MAPRE2: variants seen among roughly 807,000 people sequenced by gnomAD.
The protein encoded by MAPRE2 is microtubule-associated protein RP/EB family member 2.
MAPRE2 carries 13 observed loss-of-function variants against 43.2 expected under a neutral mutation model. The ratio of observed to expected loss-of-function variants is 0.30; its 90% CI spans 0.20 to 0.48. MAPRE2 has a LOEUF of 0.48. MAPRE2 is among the 20% of genes least tolerant of loss of function. The pLI, the probability that MAPRE2 is intolerant of heterozygous loss-of-function variation, is 0.99. For synonymous variants in MAPRE2, 135 were observed against 148.8 expected, an observed-to-expected ratio of 0.91 and a Z score of 0.68; for missense variants, 161 against 400.2, an observed-to-expected ratio of 0.40 and a Z score of 5.10.
intron 1 of MAPRE2, among the ~76,000 whole-genome samples, chr18:35,063,384 G>C (rs374447486): frequency 5.3e-5 from 8 of 152,024 alleles, no homozygotes; most frequent in African/African-American, 1.9e-4. Flanking sequence ...TGGGATTACA[G>C]GCGTGAGCCA....
intron 3 of MAPRE2, among the ~76,000 whole-genome samples, chr18:35,097,965 T>C (rs775826307): frequency 1.3e-5 from 2 of 152,186 alleles, no homozygotes; most frequent in African/African-American, 2.4e-5. Context: ...GAATCCCAGC[T>C]TCATGACTTG....
intron 2 of MAPRE2, among the ~76,000 whole-genome samples, chr18:35,071,191 T>C (rs539308971): frequency 9.2e-5 from 14 of 152,298 alleles, no homozygotes; most frequent in African/African-American, 3.4e-4. Context: ...AATATTTGAC[T>C]TCAATGACAA....
chr18:35,000,916 C>T (rs1016869990), intron 1 of MAPRE2, among the ~76,000 whole-genome samples: 5 of 152,106 alleles, frequency 3.3e-5, no homozygotes, highest in African/African-American at 1.2e-4. Flanking sequence ...GCCTTGTCAT[C>T]CATAAAATAG....
At chr18:35,044,193 T>C (rs1905504393) in intron 1 of MAPRE2, among the ~76,000 whole-genome samples, 2 of 152,180 alleles carry the variant, frequency 1.3e-5, no homozygotes, top group Admixed American at 6.5e-5. Flanking sequence ...TATTGACTTC[T>C]AGGTAGGCCC....
At chr18:35,108,145 C>T (rs1242506441) in intron 4 of MAPRE2, among the ~76,000 whole-genome samples, 2 of 152,110 alleles carry the variant, frequency 1.3e-5, no homozygotes, top group Non-Finnish European at 2.9e-5. Flanking sequence ...CAAACAGGCC[C>T]CAGTGTATGA....
Position 35,020,335 on chromosome 18 carries a change from A to G in MAPRE2, c.-8+14782A>G, listed in dbSNP as rs552038341. On this transcript the variant is annotated intron_variant, in intron 2 of 7. Coordinates refer to the MAPRE2 transcript ENST00000413393. ...TTGGATGCTGATGTGTTATTCTGTT[A>G]TGATTTTTCAAGGCAATGACTATGC... 2.0e-5 allele frequency among the ~76,000 whole-genome samples: 3 copies of G among 152,240 alleles called. No individual in the cohort carries two copies. In the South Asian group the frequency reaches 6.2e-4, roughly 32 times the overall value.
intron 2 of MAPRE2, among the ~76,000 whole-genome samples, chr18:35,079,726 T>C (rs1480433281): frequency 6.6e-6 from 1 of 152,238 alleles, no homozygotes; most frequent in Non-Finnish European, 1.5e-5. Context: ...GTCAAATCCC[T>C]GTTAGATTTC....
chr18:35,095,390 A>ATG (rs1908360142), intron 2 of MAPRE2, among the ~76,000 whole-genome samples: 2 of 145,648 alleles, frequency 1.4e-5, no homozygotes, highest in African/African-American at 5.5e-5. Flanking sequence ...ACACACACAC[A>ATG]CACACACACA....
chr18:35,064,033 A>G (rs867121277), intron 1 of MAPRE2, among the ~76,000 whole-genome samples: 1 of 139,352 alleles, frequency 7.2e-6, no homozygotes, highest in Admixed American at 7.1e-5. Context: ...AAAAAAAAAA[A>G]TCTGGCCAAC....
intron 2 of MAPRE2, among the ~76,000 whole-genome samples, chr18:35,081,754 G>C (rs888549663): frequency 5.9e-5 from 9 of 152,128 alleles, no homozygotes; most frequent in Non-Finnish European, 1.3e-4. Flanking sequence ...TGAGCAACTT[G>C]AGAAAGGGGC....
intron 1 of MAPRE2, among the ~76,000 whole-genome samples, chr18:35,064,376 T>C (rs1236550018): frequency 6.7e-6 from 1 of 149,860 alleles, no homozygotes; most frequent in African/African-American, 2.5e-5. Flanking sequence ...ATCGGTGAAG[T>C]GTGAAAAGAG....
At chr18:35,055,466 C>G (rs1371374492) in intron 1 of MAPRE2, among the ~76,000 whole-genome samples, 1 of 151,532 alleles carries the variant, frequency 6.6e-6, no homozygotes, top group Non-Finnish European at 1.5e-5. Context: ...CTGCAAAGAC[C>G]TTTTTCCAAA....
chr18:35,117,373 C>T (rs184180226), intron 4 of MAPRE2, among the ~76,000 whole-genome samples: 4 of 152,240 alleles, frequency 2.6e-5, no homozygotes, highest in Admixed American at 2.0e-4. Context: ...TGGCCACCAT[C>T]GGAAAAACAA....
In MAPRE2 at chr18:34,995,503, A is replaced by T. The variant is rs139416043; in HGVS notation, c.-69-9989A>T. On this transcript the variant is annotated intron_variant, in intron 1 of 7. Transcript: ENST00000413393. ...ACAAATTTTTGTTAAAACACTCTCT[A>T]ATGCATTTGCACAAACTAGTTAATC... Among the ~76,000 whole-genome samples, 461 of 152,298 alleles carry T rather than the reference A, an allele frequency of 3.0e-3. 1 individual carries two copies. The highest frequency in any genetic ancestry group is 0.011 in the African/African-American group (448 of 41,566).
intron 2 of MAPRE2, among the ~76,000 whole-genome samples, chr18:35,081,778 G>A (rs1217788973): frequency 6.6e-6 from 1 of 152,002 alleles, no homozygotes; most frequent in Non-Finnish European, 1.5e-5. Flanking sequence ...TTGTGTAGAC[G>A]TGGACCGTGG....
At chr18:34,987,948 G>A (rs1369209827) in intron 1 of MAPRE2, among the ~76,000 whole-genome samples, 4 of 152,126 alleles carry the variant, frequency 2.6e-5, no homozygotes, top group Non-Finnish European at 4.4e-5. Flanking sequence ...TGGCCTATAA[G>A]TCAACTTTTT....
intron 1 of MAPRE2, among the ~76,000 whole-genome samples, chr18:35,065,255 G>A (rs1301115141): frequency 1.3e-5 from 2 of 151,462 alleles, no homozygotes; most frequent in South Asian, 2.1e-4. Flanking sequence ...CCAAGATCGC[G>A]CTGCTGCACT....
At chr18:35,127,952 C>T (rs906072922) in intron 5 of MAPRE2, among the ~76,000 whole-genome samples, 5 of 152,188 alleles carry the variant, frequency 3.3e-5, no homozygotes, top group African/African-American at 9.7e-5. Context: ...CGAGGAGAGC[C>T]TTTTATCCTG....
At chr18:35,082,418 T>C (rs1907686333) in intron 2 of MAPRE2, among the ~76,000 whole-genome samples, 1 of 152,218 alleles carries the variant, frequency 6.6e-6, no homozygotes, top group Admixed American at 6.5e-5. Context: ...CTTCTTCTTT[T>C]CCTGGCATTT....
Sources: allele counts gnomAD v4.1 joint callset (sites outside exome capture counted in the v4.1 genomes callset), GRCh38; gene constraint gnomAD v4.1.1; transcripts MANE v1.5; gene names NCBI Gene and HGNC (gene_info 2026-07-23, HGNC 2026-07-21).